FBXO42: variants seen among roughly 807,000 people sequenced by gnomAD.
FBXO42 encodes F-box protein 42.
A neutral mutation model predicts 71.7 loss-of-function variants in FBXO42; 12 were observed. That is an observed-to-expected ratio of 0.17 (90% CI 0.11 to 0.27). The LOEUF (loss-of-function observed/expected upper bound fraction) is 0.27. FBXO42 is among the 10% of genes least tolerant of loss of function. FBXO42 has a pLI of 1.00. For missense variants in FBXO42, 707 were observed against 911.9 expected, an observed-to-expected ratio of 0.78 and a Z score of 2.89; for synonymous variants, 325 against 327.5, an observed-to-expected ratio of 0.99 and a Z score of 0.08.
chr1:16,338,804 C>CTTTTTTTTTTTTTTTT (rs71574177), intron 1 of FBXO42, among the ~76,000 whole-genome samples: 2 of 80,960 alleles, frequency 2.5e-5, no homozygotes, highest in Non-Finnish European at 4.5e-5. Context: ...TTCCATTTGT[C>CTTTTTTTTTTTTTTTT]TTTTTTTTTT....
intron 2 of FBXO42, among the ~76,000 whole-genome samples, chr1:16,314,839 G>A (rs891531313): frequency 1.3e-5 from 2 of 151,220 alleles, no homozygotes; most frequent in African/African-American, 4.9e-5. Context: ...AGCCGAGATT[G>A]CGCCACTGCA....
Position 16,256,597 on chromosome 1 carries a change from G to C in FBXO42, c.656+9C>G, listed in dbSNP as rs1170125167. ...TTCCAGATTTAAAGAGTTTATCTTT[G>C]TGACTTACCAATTTTTAGAGGGTGA... On this transcript the variant is annotated intron_variant, in intron 5 of 9. Transcript: ENST00000375592. The C allele has an allele frequency of 1.2e-6, 2 of 1,612,938 alleles. No homozygotes were observed. Among genetic ancestry groups the C allele is most frequent in the Non-Finnish European group, 1.7e-6 (2 of 1,179,138 alleles).
At chr1:16,259,767 A>G (rs1484168577) in intron 4 of FBXO42, among the ~76,000 whole-genome samples, 1 of 146,668 alleles carries the variant, frequency 6.8e-6, no homozygotes, top group Non-Finnish European at 1.5e-5. Flanking sequence ...CTCTGTCTCA[A>G]AAAAAAAAAA....
At chr1:16,311,503 A>AAATAT (rs1553153698) in intron 2 of FBXO42, among the ~76,000 whole-genome samples, 7 of 65,562 alleles carry the variant, frequency 1.1e-4, no homozygotes, top group Admixed American at 5.2e-4. Context: ...AAAAAAAAAA[A>AAATAT]ATATATATAT....
intron 3 of FBXO42, among the ~76,000 whole-genome samples, chr1:16,296,649 C>CAAA (rs58537213): frequency 7.0e-4 from 64 of 91,326 alleles, no homozygotes; most frequent in African/African-American, 2.3e-3. Context: ...GACTCCATCT[C>CAAA]AAAAAAAAAA....
chr1:16,270,674 C>CAAAAAAA (rs34861558), intron 4 of FBXO42, among the ~76,000 whole-genome samples: 17 of 14,886 alleles, frequency 1.1e-3, no homozygotes, highest in Admixed American at 1.6e-3. Context: ...CTCTGTCTCT[C>CAAAAAAA]AAAAAAAAAA....
intron 1 of FBXO42, among the ~76,000 whole-genome samples, chr1:16,347,227 A>T (rs1037130679): frequency 6.6e-6 from 1 of 152,106 alleles, no homozygotes; most frequent in Non-Finnish European, 1.5e-5. Context: ...TCAGAAAAAA[A>T]CTTTACAGGC....
At chr1:16,258,100 C>T (rs549334291) in intron 4 of FBXO42, among the ~76,000 whole-genome samples, 3 of 152,082 alleles carry the variant, frequency 2.0e-5, no homozygotes, top group East Asian at 3.9e-4. Flanking sequence ...TGACAGCAGT[C>T]GAGATGCTCC....
chr1:16,331,922 C>A (rs553271231), intron 1 of FBXO42, among the ~76,000 whole-genome samples: 1 of 151,478 alleles, frequency 6.6e-6, no homozygotes, highest in South Asian at 2.1e-4. Flanking sequence ...TGGTGATACA[C>A]GCCTGTAATC....
At chr1:16,260,769 G>A (rs147627360) in intron 4 of FBXO42, among the ~76,000 whole-genome samples, 40 of 152,194 alleles carry the variant, frequency 2.6e-4, no homozygotes, top group Non-Finnish European at 5.4e-4. Flanking sequence ...GACTGATCAT[G>A]GCTCACTGCA....
intron 4 of FBXO42, among the ~76,000 whole-genome samples, chr1:16,286,030 G>A (rs1178852575): frequency 6.6e-6 from 1 of 151,864 alleles, no homozygotes; most frequent in African/African-American, 2.4e-5. Context: ...GGGACTATAG[G>A]TTCACACCAC....
At chr1:16,338,354 C>CAAAAAAA (rs55865669) in intron 1 of FBXO42, among the ~76,000 whole-genome samples, 2 of 108,154 alleles carry the variant, frequency 1.8e-5, no homozygotes, top group African/African-American at 3.8e-5. Context: ...GCCCTATCTC[C>CAAAAAAA]AAAAAAAAAA....
chr1:16,301,046 C>T (rs993546355), intron 3 of FBXO42, among the ~76,000 whole-genome samples: 15 of 151,946 alleles, frequency 9.9e-5, no homozygotes, highest in South Asian at 2.1e-4. Context: ...TACAGGCGTG[C>T]GCCCACCACG....
chr1:16,262,180 G>A (rs1301840874), intron 4 of FBXO42, among the ~76,000 whole-genome samples: 5 of 151,984 alleles, frequency 3.3e-5, no homozygotes, highest in African/African-American at 1.2e-4. Context: ...TCATATATAT[G>A]TGTGTGTGTA....
At chr1:16,277,261 G>A (rs575678344) in intron 4 of FBXO42, among the ~76,000 whole-genome samples, 1 of 152,224 alleles carries the variant, frequency 6.6e-6, no homozygotes, top group South Asian at 2.1e-4. Context: ...CACAAGATTT[G>A]GCATTCTCCT....
At chr1:16,337,973 G>A (rs1324772687) in intron 1 of FBXO42, among the ~76,000 whole-genome samples, 4 of 149,048 alleles carry the variant, frequency 2.7e-5, no homozygotes, top group Non-Finnish European at 3.0e-5. Context: ...CAAGGAGGGA[G>A]GATTGGCCGG....
At chr1:16,287,504 C>T (rs967222547) in intron 4 of FBXO42, among the ~76,000 whole-genome samples, 1 of 152,136 alleles carries the variant, frequency 6.6e-6, no homozygotes, top group Non-Finnish European at 1.5e-5. Flanking sequence ...AGAACAATAC[C>T]AGGGGGGCAA....
intron 4 of FBXO42, among the ~76,000 whole-genome samples, chr1:16,257,588 A>G (rs2081659491): frequency 2.0e-5 from 3 of 152,172 alleles, no homozygotes; most frequent in Admixed American, 1.3e-4. Context: ...AACAATTGCT[A>G]TTTTTCCCCA....
intron 4 of FBXO42, among the ~76,000 whole-genome samples, chr1:16,267,328 A>C (rs2081787346): frequency 6.6e-6 from 1 of 152,244 alleles, no homozygotes. Context: ...ACAAAGTTAC[A>C]GAACCTCTAA....
Sources: gnomAD v4.1 joint callset for allele counts (sites outside exome capture counted in the v4.1 genomes callset) on GRCh38, gnomAD v4.1.1 for gene constraint, MANE v1.5 for transcripts, NCBI Gene and HGNC (gene_info 2026-07-23, HGNC 2026-07-21) for gene names.